Variants in DYM observed in about 807,000 individuals in gnomAD.
DYM encodes dymeclin.
A neutral mutation model predicts 93.1 loss-of-function variants in DYM; 78 were observed. The observed-to-expected ratio is 0.84, with a 90% CI of 0.70 to 1.01. The LOEUF (loss-of-function observed/expected upper bound fraction) is 1.01. DYM is among the 50% of genes least tolerant of loss of function. The pLI, the probability that DYM is intolerant of heterozygous loss-of-function variation, is 0.00. For synonymous variants in DYM, 321 were observed against 319.7 expected (o/e 1.00, Z -0.04); for missense variants, 789 against 845.0 (o/e 0.93, Z 0.82).
rs367855466 is a variant in DYM at position 49,180,219 on chromosome 18, AAG to A, written c.1626-16434_1626-16433del. Among the ~76,000 whole-genome samples, 23 of 152,234 alleles carry A rather than the reference AAG, an allele frequency of 1.5e-4. No homozygotes were observed. The South Asian group carries it at 4.6e-3, about 30-fold the overall frequency. On this transcript the variant is annotated intron_variant, in intron 14 of 17. Transcript: ENST00000675505. ...TTGTAAGGAAGACTTTTTTCTTGAT[AAG>A]AGATATAAATTATTATCTAAATCAT... is the stretch of plus-strand genomic sequence containing the variant.
At chr18:49,078,081 T>C (rs1428119134) in intron 17 of DYM, among the ~76,000 whole-genome samples, 2 of 152,152 alleles carry the variant, frequency 1.3e-5, no homozygotes, top group African/African-American at 4.8e-5. Context: ...ATTTTTCTGT[T>C]GGCTTTTGAG....
At chr18:49,245,518 G>C (rs551971127) in intron 13 of DYM, among the ~76,000 whole-genome samples, 1 of 152,278 alleles carries the variant, frequency 6.6e-6, no homozygotes, top group Non-Finnish European at 1.5e-5. Context: ...GATAAGGACT[G>C]AAATACGCCC....
intron 17 of DYM, among the ~76,000 whole-genome samples, chr18:49,054,000 TG>T (rs1320218783): frequency 6.6e-6 from 1 of 152,132 alleles, no homozygotes; most frequent in Non-Finnish European, 1.5e-5. Context: ...TGGCGAATAC[TG>T]GGGCCAGGAG....
intron 15 of DYM, among the ~76,000 whole-genome samples, chr18:49,151,634 C>T (rs1255881624): frequency 6.6e-6 from 1 of 152,156 alleles, no homozygotes; most frequent in Non-Finnish European, 1.5e-5. Context: ...ACAAACATTG[C>T]CTTTTCTTCT....
At chr18:49,334,556 A>G (rs1276815582) in intron 6 of DYM, among the ~76,000 whole-genome samples, 3 of 152,232 alleles carry the variant, frequency 2.0e-5, no homozygotes, top group Admixed American at 6.5e-5. Context: ...AGTTACTGCA[A>G]AAGTTTAAAC....
Position 49,282,113 on chromosome 18 carries a change from T to C in DYM, c.1009A>G (p.Thr337Ala). ...AFQINFNSLYTALCEQQTSDQ... is the reference protein window; with the variant it reads ...AFQINFNSLYAALCEQQTSDQ... Reference sequence around the variant, plus strand: ...GATGTCTGCTGTTCACAAAGAGCTGTGTACAAACTATTAAAGTTGATCTGG... The same window carrying C: ...GATGTCTGCTGTTCACAAAGAGCTGCGTACAAACTATTAAAGTTGATCTGG... Residue 337 changes from threonine (T) to alanine (A), a missense_variant, in exon 10 of 18, where the codon ACA becomes GCA. Thr to Ala is a moderately conservative substitution (Grantham distance 58). This residue lies in a region of DYM where 450 missense variants were observed against 436.2 expected (regional missense o/e 1.03). Coordinates refer to ENST00000675505, the MANE Select transcript of DYM (RefSeq NM_001353214.3). 6.2e-7 allele frequency: 1 copy of C among 1,613,972 alleles called. No homozygotes were observed. Among genetic ancestry groups the C allele is most frequent in the Non-Finnish European group, 8.5e-7 (1 of 1,179,934 alleles).
chr18:49,191,499 A>C (rs938511858), intron 14 of DYM, among the ~76,000 whole-genome samples: 1 of 152,156 alleles, frequency 6.6e-6, no homozygotes, highest in Non-Finnish European at 1.5e-5. Context: ...CAACACCATG[A>C]AATTTTTATA....
intron 8 of DYM, among the ~76,000 whole-genome samples, chr18:49,318,864 G>C (rs1599390268): frequency 7.3e-6 from 1 of 136,716 alleles, no homozygotes; most frequent in Non-Finnish European, 1.5e-5. Flanking sequence ...GCAGTGGCAC[G>C]ATCTCGGCTC....
intron 8 of DYM, among the ~76,000 whole-genome samples, chr18:49,319,516 T>C (rs746227685): frequency 1.3e-5 from 2 of 152,142 alleles, no homozygotes; most frequent in Non-Finnish European, 2.9e-5. Context: ...GAAATTGACA[T>C]AGATGAGAGG....
At chr18:49,104,848 A>G (rs2080609907) in intron 16 of DYM, among the ~76,000 whole-genome samples, 1 of 152,254 alleles carries the variant, frequency 6.6e-6, no homozygotes, top group African/African-American at 2.4e-5. Flanking sequence ...AATGTTCATC[A>G]GGGATATTGG....
At chr18:49,312,981 A>G (rs1207118710) in intron 8 of DYM, among the ~76,000 whole-genome samples, 1 of 152,162 alleles carries the variant, frequency 6.6e-6, no homozygotes, top group East Asian at 1.9e-4. Flanking sequence ...CGTTATGTAC[A>G]TGCACTTGTA....
chr18:49,140,983 A>C (rs1055266369), intron 15 of DYM, among the ~76,000 whole-genome samples: 2 of 152,114 alleles, frequency 1.3e-5, no homozygotes, highest in Non-Finnish European at 2.9e-5. Flanking sequence ...GTTGTTCACT[A>C]TTTCTTCCAC....
In DYM at chr18:49,118,899, CTTCTTCAATGACAT is replaced by C; in HGVS notation, c.1742_1755del (p.Asn581SerfsTer35). 1 of 1,614,076 alleles carries C rather than the reference CTTCTTCAATGACAT, an allele frequency of 6.2e-7. No homozygotes were observed. The highest frequency in any genetic ancestry group is 8.5e-7 in the Non-Finnish European group (1 of 1,179,978). On this transcript the variant is annotated frameshift_variant, in exon 16 of 18. Transcript: ENST00000675505. LOFTEE classifies it high-confidence loss of function. ...ATGATCTCTAACATCATTCGAATCA[CTTCTTCAATGACAT>C]TTAGGTCTTGTGCCTTATAGAGAAA... is the stretch of plus-strand genomic sequence containing the variant.
At chr18:49,341,334 T>C (rs944899970) in intron 6 of DYM, among the ~76,000 whole-genome samples, 3 of 151,544 alleles carry the variant, frequency 2.0e-5, no homozygotes, top group African/African-American at 7.3e-5. Flanking sequence ...CTACTAAAAA[T>C]ACAAAAAATT....
intron 15 of DYM, among the ~76,000 whole-genome samples, chr18:49,133,834 A>G (rs1197607472): frequency 6.6e-6 from 1 of 152,204 alleles, no homozygotes; most frequent in Non-Finnish European, 1.5e-5. Flanking sequence ...AACCTTAGTT[A>G]TATCTGCAAA....
intron 13 of DYM, among the ~76,000 whole-genome samples, chr18:49,242,955 C>T (rs1001455314): frequency 1.3e-5 from 2 of 152,188 alleles, no homozygotes; most frequent in African/African-American, 4.8e-5. Context: ...CCGTCTCGGC[C>T]TCCCAAAGTG....
intron 8 of DYM, among the ~76,000 whole-genome samples, chr18:49,291,519 A>AGGTCCTCAAAAAAGAGTATACTGG (rs1388509652): frequency 6.6e-6 from 1 of 152,170 alleles, no homozygotes; most frequent in African/African-American, 2.4e-5. Context: ...CTAAATTTCG[A>AGGTCCTCAAAAAAGAGTATACTGG]GGTCCTCAAA....
At chr18:49,343,951 TAAAA>T (rs59054000) in intron 6 of DYM, among the ~76,000 whole-genome samples, 14 of 135,348 alleles carry the variant, frequency 1.0e-4, no homozygotes, top group Admixed American at 8.9e-4. Flanking sequence ...TACACCACAT[TAAAA>T]AAAAAAAAAA....
At chr18:49,240,651 T>G (rs1322087249) in intron 13 of DYM, among the ~76,000 whole-genome samples, 6 of 152,234 alleles carry the variant, frequency 3.9e-5, no homozygotes, top group Admixed American at 3.9e-4. Context: ...AAATTTTTTT[T>G]ATTGGCAACC....
Sources: gnomAD v4.1 joint callset for allele counts (sites outside exome capture counted in the v4.1 genomes callset) on GRCh38, gnomAD v4.1.1 for gene constraint, gnomAD v4.1.1 regional missense constraint, MANE v1.5 for transcripts, NCBI Gene and HGNC (gene_info 2026-07-23, HGNC 2026-07-21) for gene names.